PDE4D: variants seen among roughly 807,000 people sequenced by gnomAD.
The protein encoded by PDE4D is 3',5'-cyclic-AMP phosphodiesterase 4D.
Under a neutral mutation model 87.4 loss-of-function variants are expected in PDE4D, and 24 were observed. The ratio of observed to expected loss-of-function variants is 0.27; its 90% CI spans 0.20 to 0.39. The LOEUF is 0.39. Ranked by LOEUF, PDE4D falls within the 10% of genes least tolerant of loss-of-function variation. PDE4D has a pLI of 1.00. For missense variants in PDE4D, 714 were observed against 1,041.0 expected (o/e 0.69, Z 4.32); for synonymous variants, 384 against 383.2 (o/e 1.00, Z -0.02).
chr5:59,206,010 G>A (rs1748714962), intron 2 of PDE4D, among the ~76,000 whole-genome samples: 1 of 152,120 alleles, frequency 6.6e-6, no homozygotes, highest in Non-Finnish European at 1.5e-5. Flanking sequence ...GTCTTAAAGA[G>A]AGGGTTGCAG....
At chr5:59,369,047 T>C (rs1783540288) in intron 1 of PDE4D, among the ~76,000 whole-genome samples, 1 of 152,216 alleles carries the variant, frequency 6.6e-6, no homozygotes, top group South Asian at 2.1e-4. Context: ...TCTATGTAAA[T>C]GCAAATTCAA....
At chr5:59,172,208 T>C (rs1202299037) in intron 5 of PDE4D, among the ~76,000 whole-genome samples, 10 of 111,646 alleles carry the variant, frequency 9.0e-5, no homozygotes, top group African/African-American at 3.7e-4. Context: ...TAAATATGTA[T>C]ATAATATATA....
rs1421568089 is a variant in PDE4D, at chr5:60,454,902, A to C, written c.-90+33040T>G. Among the ~76,000 whole-genome samples, 6 of 152,074 alleles carry C rather than the reference A, an allele frequency of 3.9e-5. 1 individual carries two copies. In the East Asian group the frequency reaches 1.2e-3, roughly 29 times the overall value. On this transcript the variant is annotated intron_variant, in intron 1 of 16. Coordinates refer to the PDE4D transcript ENST00000502484. The stretch of plus-strand genomic sequence containing the variant: ...CATACATGAGCGGGGAGTGTAAACA[A>C]GAGAGAAGGGGTGGGGGAAGAAAGT...
At chr5:59,571,126 T>C (rs1561232017) in intron 1 of PDE4D, among the ~76,000 whole-genome samples, 1 of 152,216 alleles carries the variant, frequency 6.6e-6, no homozygotes, top group African/African-American at 2.4e-5. Flanking sequence ...AACATGAGAA[T>C]GAAAGAGATT....
At position 60,281,720 on chromosome 5, in the gene PDE4D, T is replaced by A. The variant is rs564253820; in HGVS notation, c.-89-96033A>T. Among the ~76,000 whole-genome samples the A allele has an allele frequency of 2.2e-4, 33 of 151,756 alleles. 1 individual carries two copies. The South Asian group carries it at 3.5e-3, about 16-fold the overall frequency. The stretch of plus-strand genomic sequence containing the variant: ...TAAACTTAGTAAAAGAAGTGAAAAA[T>A]AATAGAAAAAGTAAGAATAAGAAAA... On this transcript the variant is annotated intron_variant, in intron 1 of 16. Coordinates refer to the PDE4D transcript ENST00000502484.
intron 2 of PDE4D, among the ~76,000 whole-genome samples, chr5:60,102,829 T>G (rs1776369527): frequency 6.6e-6 from 1 of 152,196 alleles, no homozygotes; most frequent in Non-Finnish European, 1.5e-5. Context: ...CTTCTGGCCA[T>G]GACCAACCAG....
intron 1 of PDE4D, among the ~76,000 whole-genome samples, chr5:59,391,476 G>A (rs1257681576): frequency 1.3e-5 from 2 of 152,094 alleles, no homozygotes; most frequent in African/African-American, 2.4e-5. Flanking sequence ...TGATGGTAGT[G>A]AGAACAACAA....
chr5:59,937,429 T>C (rs964725718), intron 3 of PDE4D, among the ~76,000 whole-genome samples: 9 of 152,172 alleles, frequency 5.9e-5, no homozygotes, highest in African/African-American at 2.2e-4. Flanking sequence ...CAAAATACCA[T>C]AGAATGGGTA....
intron 1 of PDE4D, among the ~76,000 whole-genome samples, chr5:59,754,561 T>C (rs1303659915): frequency 6.6e-6 from 1 of 152,134 alleles, no homozygotes; most frequent in Non-Finnish European, 1.5e-5. Context: ...TAACGGGCCC[T>C]GTATTTTCAC....
intron 3 of PDE4D, among the ~76,000 whole-genome samples, chr5:59,956,762 T>C (rs1396956180): frequency 1.3e-5 from 2 of 152,218 alleles, no homozygotes; most frequent in Non-Finnish European, 2.9e-5. Context: ...AGATATCTTA[T>C]AGTTTGGCTT....
At chr5:60,027,274 T>C (rs1463899655) in intron 2 of PDE4D, among the ~76,000 whole-genome samples, 2 of 152,184 alleles carry the variant, frequency 1.3e-5, no homozygotes, top group South Asian at 2.1e-4. Context: ...TCCATCTTTA[T>C]ATCTGTGTAT....
rs538383679 is a variant in PDE4D, at chr5:59,168,144, T to C, written c.808+12451A>G. Among the ~76,000 whole-genome samples the C allele has an allele frequency of 5.3e-5, 8 of 151,822 alleles. No homozygotes were observed. The Middle Eastern group carries it at 0.01, about 195-fold the overall frequency. ...CTAGAAAGCACTGGATATTTAAGCATCAGAAATATCTCAAGGAAGTGCATT... is the reference window on the plus strand; with the variant it reads ...CTAGAAAGCACTGGATATTTAAGCACCAGAAATATCTCAAGGAAGTGCATT... On this transcript the variant is annotated intron_variant, in intron 5 of 14. Transcript: ENST00000340635.
chr5:60,510,520 AC>A (rs537937066), intron 1 of PDE4D, among the ~76,000 whole-genome samples: 6 of 152,338 alleles, frequency 3.9e-5, no homozygotes, highest in Admixed American at 3.9e-4. Context: ...GGCTAAAAAA[AC>A]ATGTCTAGCT....
At chr5:59,590,054 AC>A (rs1825705258) in intron 1 of PDE4D, among the ~76,000 whole-genome samples, 1 of 152,174 alleles carries the variant, frequency 6.6e-6, no homozygotes, top group Non-Finnish European at 1.5e-5. Context: ...ACATTATTAA[AC>A]AATCCAAAAT....
At chr5:60,104,849 C>A (rs1015037305) in intron 2 of PDE4D, among the ~76,000 whole-genome samples, 10 of 152,270 alleles carry the variant, frequency 6.6e-5, no homozygotes, top group South Asian at 4.1e-4. Flanking sequence ...CATCCACACC[C>A]AAAACCCATC....
Position 59,523,945 on chromosome 5 carries a change from G to A in PDE4D, c.456-307977C>T, listed in dbSNP as rs542390143. Among the ~76,000 whole-genome samples, 408 of 152,314 alleles carry A rather than the reference G, an allele frequency of 2.7e-3. 2 individuals carry two copies. The highest frequency in any genetic ancestry group is 9.2e-3 in the African/African-American group (381 of 41,574). ...ACATGTTTGCTTCCCCTTCCACCATGTTTGTAAGTTTCCTGAAGCCTCCCC... is the reference window on the plus strand; with the variant it reads ...ACATGTTTGCTTCCCCTTCCACCATATTTGTAAGTTTCCTGAAGCCTCCCC... On this transcript the variant is annotated intron_variant, in intron 1 of 14. Coordinates refer to ENST00000340635, the MANE Select transcript of PDE4D (RefSeq NM_001104631.2).
intron 5 of PDE4D, among the ~76,000 whole-genome samples, chr5:59,113,959 A>G (rs1165471753): frequency 2.6e-5 from 4 of 152,250 alleles, no homozygotes. Flanking sequence ...CATACACTAG[A>G]AAATTCTCTC....
intron 1 of PDE4D, among the ~76,000 whole-genome samples, chr5:59,277,027 T>C (rs1208141079): frequency 6.6e-6 from 1 of 152,156 alleles, no homozygotes; most frequent in Non-Finnish European, 1.5e-5. Context: ...GTGAAAATAA[T>C]GTAAGCATTC....
chr5:59,399,821 G>A lies in PDE4D; in HGVS notation c.456-183853C>T, dbSNP rs1426941703. Among the ~76,000 whole-genome samples the A allele has an allele frequency of 9.1e-5, 10 of 109,670 alleles. 4 individuals are homozygous for A. Among genetic ancestry groups the A allele is most frequent in the Non-Finnish European group, 1.3e-4 (7 of 53,490 alleles). The allele number at this position is 109,670 out of a possible 152,430, so 71.9% of individuals were successfully genotyped here. On this transcript the variant is annotated intron_variant, in intron 1 of 14. Transcript: ENST00000340635. ...ACCTAGAAAATGGGAGAAAATTTTC[G>A]CAACCTACTCATCTGACAAATGGCT...
Sources: gnomAD v4.1 joint callset for allele counts (sites outside exome capture counted in the v4.1 genomes callset) on GRCh38, gnomAD v4.1.1 for gene constraint, MANE v1.5 for transcripts, NCBI Gene and HGNC (gene_info 2026-07-23, HGNC 2026-07-21) for gene names.